SGMS1: variants seen among roughly 807,000 people sequenced by gnomAD.
SGMS1 encodes the protein sphingomyelin synthase 1, also known as phosphatidylcholine:ceramide cholinephosphotransferase 1.
A neutral mutation model predicts 46.2 loss-of-function variants in SGMS1; 13 were observed. The ratio of observed to expected loss-of-function variants is 0.28; its 90% CI spans 0.18 to 0.45. The LOEUF (loss-of-function observed/expected upper bound fraction) is 0.45, where lower values mean the gene tolerates loss of function less well. Ranked by LOEUF, SGMS1 falls within the 20% of genes least tolerant of loss-of-function variation. The pLI is 1.00. For missense variants in SGMS1, 324 were observed against 519.9 expected, an observed-to-expected ratio of 0.62 and a Z score of 3.66; for synonymous variants, 203 against 187.8, an observed-to-expected ratio of 1.08 and a Z score of -0.66.
chr10:50,399,469 T>C lies in SGMS1; in HGVS notation c.-232+34007A>G, dbSNP rs75592188. ...TAGTACACCCATCCTACAGAAGTGG[T>C]GCAGTCCATATAAGCAGTCAGTTTA... On this transcript the variant is annotated intron_variant, in intron 6 of 10. Transcript: ENST00000361781. Among the ~76,000 whole-genome samples the C allele has an allele frequency of 3.7e-3, 561 of 152,296 alleles. 3 individuals are homozygous for C. The highest frequency in any genetic ancestry group is 0.013 in the African/African-American group (541 of 41,554).
intron 7 of SGMS1, chr10:50,342,322 C>T (rs1170931422): frequency 2.6e-5 from 4 of 152,128 alleles, no homozygotes. Flanking sequence ...AAATGCAGCC[C>T]AGACCAACAA....
At chr10:50,564,784 T>G (rs1438353165) in intron 2 of SGMS1, among the ~76,000 whole-genome samples, 2 of 146,150 alleles carry the variant, frequency 1.4e-5, no homozygotes, top group East Asian at 3.8e-4. Flanking sequence ...TATTTATTTA[T>G]TTTTTAAGTT....
intron 6 of SGMS1, among the ~76,000 whole-genome samples, chr10:50,422,040 C>CT (rs924147697): frequency 2.0e-5 from 3 of 152,170 alleles, no homozygotes; most frequent in Non-Finnish European, 4.4e-5. Context: ...TCTCCTAGAA[C>CT]TTTTGTCACT....
chr10:50,318,733 A>G (rs1030692623), intron 8 of SGMS1, among the ~76,000 whole-genome samples: 1 of 152,238 alleles, frequency 6.6e-6, no homozygotes, highest in African/African-American at 2.4e-5. Flanking sequence ...TACTCCTCTT[A>G]GAATTCATAC....
chr10:50,418,518 G>T (rs1324564308), intron 6 of SGMS1: 1 of 152,248 alleles, frequency 6.6e-6, no homozygotes, highest in Non-Finnish European at 1.5e-5. Context: ...AGCATGTTCA[G>T]TGTCGGTTAA....
At chr10:50,447,745 T>C (rs2133652894) in intron 5 of SGMS1, among the ~76,000 whole-genome samples, 1 of 152,374 alleles carries the variant, frequency 6.6e-6, no homozygotes, top group South Asian at 2.1e-4. Flanking sequence ...TCACACATCC[T>C]GTTTTGTGGT....
intron 8 of SGMS1, among the ~76,000 whole-genome samples, chr10:50,314,017 C>CA (rs1336425956): frequency 6.6e-6 from 1 of 151,530 alleles, no homozygotes; most frequent in South Asian, 2.1e-4. Flanking sequence ...AAACAAAATA[C>CA]AAGACAAATT....
At chr10:50,553,626 G>A (rs1486720934) in intron 2 of SGMS1, among the ~76,000 whole-genome samples, 7 of 152,208 alleles carry the variant, frequency 4.6e-5, no homozygotes, top group African/African-American at 1.7e-4. Context: ...GCAAGGTAAG[G>A]CAGGTGGAAA....
chr10:50,620,968 G>C (rs939400611), intron 1 of SGMS1, among the ~76,000 whole-genome samples: 9 of 152,112 alleles, frequency 5.9e-5, no homozygotes, highest in African/African-American at 2.2e-4. Context: ...AGGATTACTT[G>C]AGCCCAGGAG....
At chr10:50,503,968 T>G (rs1480734168) in intron 3 of SGMS1, among the ~76,000 whole-genome samples, 1 of 152,216 alleles carries the variant, frequency 6.6e-6, no homozygotes, top group Non-Finnish European at 1.5e-5. Flanking sequence ...GCTGAGTGAT[T>G]TACGCTGACT....
intron 1 of SGMS1, among the ~76,000 whole-genome samples, chr10:50,608,181 A>G (rs1838715174): frequency 6.6e-6 from 1 of 152,208 alleles, no homozygotes; most frequent in Non-Finnish European, 1.5e-5. Context: ...TCCACCTTTC[A>G]GCATTTGATC....
intron 1 of SGMS1, among the ~76,000 whole-genome samples, chr10:50,606,245 T>A (rs1838693056): frequency 6.6e-6 from 1 of 152,228 alleles, no homozygotes; most frequent in South Asian, 2.1e-4. Flanking sequence ...ATAGTTCCAC[T>A]TATATGAGGT....
chr10:50,408,442 A>AG (rs1254831873), intron 6 of SGMS1, among the ~76,000 whole-genome samples: 18 of 149,976 alleles, frequency 1.2e-4, no homozygotes, highest in Non-Finnish European at 2.4e-4. Flanking sequence ...AAAAAAAAAA[A>AG]AAAAAAAAAA....
intron 8 of SGMS1, among the ~76,000 whole-genome samples, chr10:50,322,326 A>G (rs1465165024): frequency 6.6e-6 from 1 of 152,186 alleles, no homozygotes; most frequent in African/African-American, 2.4e-5. Context: ...TATTAGATTA[A>G]CTCATCTGAT....
intron 1 of SGMS1, among the ~76,000 whole-genome samples, chr10:50,591,672 C>A (rs1838542227): frequency 6.6e-6 from 1 of 152,176 alleles, no homozygotes; most frequent in Non-Finnish European, 1.5e-5. Flanking sequence ...GCATCGCTGG[C>A]GATTTGTAAC....
At chr10:50,455,703 G>T (rs922791456) in intron 5 of SGMS1, among the ~76,000 whole-genome samples, 16 of 152,168 alleles carry the variant, frequency 1.1e-4, no homozygotes, top group African/African-American at 3.9e-4. Context: ...TGTTTTAAAT[G>T]AGTCTAGAAA....
rs765620160 is a variant in SGMS1 at position 50,550,019 on chromosome 10, T to C, written c.-588-30098A>G. ...AACGGGAAATAATTTTGAAATTGAC[T>C]GGAGACACCACATAAAAATCAAATT... On this transcript the variant is annotated intron_variant, in intron 2 of 10. Transcript: ENST00000361781. Among the ~76,000 whole-genome samples the C allele has an allele frequency of 1.4e-4, 21 of 152,318 alleles. 1 individual carries two copies. The highest frequency in any genetic ancestry group is 1.2e-3 in the South Asian group (6 of 4,830).
chr10:50,625,005 G>C, upstream of SGMS1: 2 of 1,016,892 alleles, frequency 2.0e-6, no homozygotes, highest in Non-Finnish European at 1.2e-6. Flanking sequence ...GGGAGCTGGC[G>C]GGACCGTCCT....
chr10:50,541,110 T>C (rs1035342735), intron 2 of SGMS1, among the ~76,000 whole-genome samples: 5 of 152,184 alleles, frequency 3.3e-5, no homozygotes, highest in African/African-American at 1.2e-4. Flanking sequence ...GTTGGAGACC[T>C]TGGGAAAGGA....
Sources: gnomAD v4.1 joint callset for allele counts (sites outside exome capture counted in the v4.1 genomes callset) on GRCh38, gnomAD v4.1.1 for gene constraint, MANE v1.5 for transcripts, NCBI Gene and HGNC (gene_info 2026-07-23, HGNC 2026-07-21) for gene names.